The following GRIA1 variants were observed in gnomAD, a reference collection of about 807,000 sequenced individuals.
GRIA1 encodes glutamate ionotropic receptor AMPA type subunit 1.
Under a neutral mutation model 99.2 loss-of-function variants are expected in GRIA1, and 31 were observed. That is an observed-to-expected ratio of 0.31 (90% CI 0.23 to 0.42). GRIA1 has a LOEUF of 0.42. Among genes scored for constraint, GRIA1 ranks in the 10% least tolerant of loss-of-function variants. The pLI is 1.00. For missense variants in GRIA1, 782 were observed against 1,157.5 expected (o/e 0.68, Z 4.71); for synonymous variants, 438 against 432.4 (o/e 1.01, Z -0.16).
intron 11 of GRIA1, among the ~76,000 whole-genome samples, chr5:153,748,452 C>T (rs936989955): frequency 3.9e-5 from 6 of 152,118 alleles, no homozygotes; most frequent in African/African-American, 7.2e-5. Context: ...AGACAAGACG[C>T]GGGCTGGCTC....
At position 153,677,053 on chromosome 5, in the gene GRIA1, G is replaced by T. The variant is rs759960256; in HGVS notation, c.921G>T (p.Leu307=). 12 of 1,579,214 alleles carry T rather than the reference G, an allele frequency of 7.6e-6. No individual in the cohort carries two copies. In the Admixed American group the frequency reaches 2.1e-4, roughly 28 times the overall value. ...VKVMAEAFQS[L]RRQRIDISRR... is the part of the protein sequence containing the mutation. Reference sequence around the variant, plus strand: ...TGATGGCTGAGGCTTTCCAGAGCCTGCGGAGGCAGAGAATTGATATATCTC... The same window carrying T: ...TGATGGCTGAGGCTTTCCAGAGCCTTCGGAGGCAGAGAATTGATATATCTC... The change falls in exon 7 of 16, where the codon CTG becomes CTT. Residue 307 remains leucine, a synonymous_variant. Coordinates refer to ENST00000285900, the MANE Select transcript of GRIA1 (RefSeq NM_000827.4).
chr5:153,600,157 C>T (rs927236902), intron 2 of GRIA1, among the ~76,000 whole-genome samples: 2 of 151,814 alleles, frequency 1.3e-5, no homozygotes, highest in Admixed American at 6.6e-5. Flanking sequence ...TTTCGGAGGC[C>T]GAGGCGGGTG....
chr5:153,757,221 A>G (rs1225402328), intron 11 of GRIA1, among the ~76,000 whole-genome samples: 1 of 152,186 alleles, frequency 6.6e-6, no homozygotes, highest in Non-Finnish European at 1.5e-5. Flanking sequence ...GAGCTTGAAA[A>G]CAGTCTCCTT....
chr5:153,598,994 G>A (rs1396393274), intron 2 of GRIA1, among the ~76,000 whole-genome samples: 1 of 152,106 alleles, frequency 6.6e-6, no homozygotes, highest in Non-Finnish European at 1.5e-5. Flanking sequence ...CCATTCTCCT[G>A]CCTCAGCCTC....
intron 2 of GRIA1, among the ~76,000 whole-genome samples, chr5:153,519,243 C>T (rs1756913434): frequency 6.6e-6 from 1 of 151,930 alleles, no homozygotes; most frequent in African/African-American, 2.4e-5. Flanking sequence ...GCCTGGACGA[C>T]AGAGCGAGAC....
At chr5:153,791,068 G>C (rs1421036951) in intron 13 of GRIA1, among the ~76,000 whole-genome samples, 1 of 151,972 alleles carries the variant, frequency 6.6e-6, no homozygotes, top group African/African-American at 2.4e-5. Context: ...AAATATCATA[G>C]GGCAGTTTTC....
rs1424599230 is a variant in GRIA1 at position 153,599,439 on chromosome 5, C to G, written c.221-47489C>G. ...TCCACAGGGGTTTGGTACCAGGACT[C>G]CTACAGATAACCAACATCTAGGTAT... is the stretch of plus-strand genomic sequence containing the variant. On this transcript the variant is annotated intron_variant, in intron 2 of 15. Transcript: ENST00000285900. 5.2e-4 allele frequency among the ~76,000 whole-genome samples: 3 copies of G among 5,718 alleles called. No homozygotes were observed. In the Non-Finnish European group the frequency reaches 0.038, roughly 73 times the overall value. The allele number at this position is 5,718 out of a possible 152,430, so 3.8% of individuals were successfully genotyped here.
rs114593054 is a variant in GRIA1 at position 153,514,289 on chromosome 5, C to G, written c.220+20224C>G. Among the ~76,000 whole-genome samples the G allele has an allele frequency of 1.5e-3, 228 of 152,250 alleles. 1 individual carries two copies. Among genetic ancestry groups the G allele is most frequent in the Non-Finnish European group, 2.8e-3 (189 of 68,024 alleles). ...CAGACCAATGTCACATGGTTTTTCC[C>G]CTATGTTTTTCTCCAGTCGTTTTAC... On this transcript the variant is annotated intron_variant, in intron 2 of 15. Coordinates refer to ENST00000285900, the MANE Select transcript of GRIA1 (RefSeq NM_000827.4).
intron 2 of GRIA1, among the ~76,000 whole-genome samples, chr5:153,566,716 C>CTTTTTT (rs56127811): frequency 5.5e-4 from 64 of 116,548 alleles, no homozygotes; most frequent in Non-Finnish European, 7.8e-4. Context: ...CAAATATTGT[C>CTTTTTT]TTTTTTTTTT....
chr5:153,579,527 C>T (rs905064566), intron 2 of GRIA1, among the ~76,000 whole-genome samples: 7 of 152,084 alleles, frequency 4.6e-5, no homozygotes, highest in African/African-American at 7.2e-5. Context: ...ATAGGCCCCC[C>T]GTTACTTATA....
chr5:153,577,946 T>C (rs1329311056), intron 2 of GRIA1, among the ~76,000 whole-genome samples: 1 of 148,730 alleles, frequency 6.7e-6, no homozygotes, highest in Non-Finnish European at 1.5e-5. Context: ...AGGTCAGGAG[T>C]TCGAGACTAG....
At chr5:153,497,349 T>A (rs977395734) in intron 2 of GRIA1, among the ~76,000 whole-genome samples, 5 of 152,084 alleles carry the variant, frequency 3.3e-5, no homozygotes, top group Admixed American at 2.6e-4. Context: ...AAATGCTGAT[T>A]GAGATTATTA....
intron 2 of GRIA1, among the ~76,000 whole-genome samples, chr5:153,643,746 C>T (rs1561721260): frequency 6.6e-6 from 1 of 152,142 alleles, no homozygotes; most frequent in African/African-American, 2.4e-5. Flanking sequence ...CCCTCTTAGC[C>T]TTAGAGGAGA....
At chr5:153,568,552 G>T (rs1181517910) in intron 2 of GRIA1, among the ~76,000 whole-genome samples, 1 of 152,046 alleles carries the variant, frequency 6.6e-6, no homozygotes, top group African/African-American at 2.4e-5. Flanking sequence ...TCATCATTAA[G>T]CTCTCATTAT....
intron 2 of GRIA1, among the ~76,000 whole-genome samples, chr5:153,529,056 T>C (rs1452244585): frequency 1.3e-5 from 2 of 152,214 alleles, no homozygotes; most frequent in African/African-American, 2.4e-5. Flanking sequence ...ACAGAAACAA[T>C]TATAGCAGGT....
At chr5:153,530,612 A>G (rs953747216) in intron 2 of GRIA1, among the ~76,000 whole-genome samples, 1 of 152,204 alleles carries the variant, frequency 6.6e-6, no homozygotes, top group Admixed American at 6.5e-5. Flanking sequence ...GTTACAATCT[A>G]TTTGACTTCC....
intron 2 of GRIA1, among the ~76,000 whole-genome samples, chr5:153,499,637 A>AC (rs1467123701): frequency 1.3e-5 from 2 of 151,110 alleles, no homozygotes. Context: ...AAAAAAAAAA[A>AC]AAACTATGAA....
At chr5:153,796,870 CACTT>C (rs1414484452) in intron 14 of GRIA1, among the ~76,000 whole-genome samples, 1 of 147,500 alleles carries the variant, frequency 6.8e-6, no homozygotes, top group African/African-American at 2.5e-5. Context: ...TGGATGTACT[CACTT>C]TCTTTCCCCT....
intron 6 of GRIA1, among the ~76,000 whole-genome samples, chr5:153,675,793 G>A (rs1388321704): frequency 6.6e-6 from 1 of 152,104 alleles, no homozygotes. Context: ...ATTAAGTAAT[G>A]TGTAATGATT....
Sources: gnomAD v4.1 joint callset for allele counts (sites outside exome capture counted in the v4.1 genomes callset) on GRCh38, gnomAD v4.1.1 for gene constraint, MANE v1.5 for transcripts, NCBI Gene and HGNC (gene_info 2026-07-23, HGNC 2026-07-21) for gene names.